LMF1: variants seen among roughly 807,000 people sequenced by gnomAD.
LMF1 encodes the protein transmembrane protein 112.
In LMF1, 68 loss-of-function variants were observed where a neutral mutation model predicts 60.6. The observed-to-expected ratio is 1.12, with a 90% CI of 0.92 to 1.37. The LOEUF (loss-of-function observed/expected upper bound fraction) is 1.37, where lower values mean the gene tolerates loss of function less well. Ranked by LOEUF, LMF1 falls within the 40% of genes most tolerant of loss-of-function variation. The pLI, the probability that LMF1 is intolerant of heterozygous loss-of-function variation, is 0.00. For synonymous variants in LMF1, 418 were observed against 324.7 expected, an observed-to-expected ratio of 1.29 and a Z score of -3.09; for missense variants, 948 against 767.2, an observed-to-expected ratio of 1.24 and a Z score of -2.78.
At chr16:972,020 G>A, upstream of LMF1, among the ~76,000 whole-genome samples, 1 of 152,134 alleles carries the variant, frequency 6.6e-6, no homozygotes, top group East Asian at 1.9e-4. Context: ...CCACTGGGTT[G>A]GTCAAATGAC....
At chr16:941,271 C>A (rs912177934) in intron 2 of LMF1, among the ~76,000 whole-genome samples, 1 of 151,836 alleles carries the variant, frequency 6.6e-6, no homozygotes, top group African/African-American at 2.4e-5. Context: ...ACTCTGTTGC[C>A]CAGGCTGGAG....
chr16:970,799 G>C lies in LMF1; in HGVS notation c.182C>G (p.Ala61Gly). 1.3e-6 allele frequency: 2 copies of C among 1,539,722 alleles called. No individual in the cohort carries two copies. The highest frequency in any genetic ancestry group is 2.0e-5 in the Admixed American group (1 of 50,324). The change falls in exon 1 of 11, where the codon GCC becomes GGC. Residue 61 changes from alanine to glycine, a missense_variant. Physicochemically the swap from Ala to Gly is moderately conservative, Grantham distance 60. Coordinates refer to ENST00000262301, the MANE Select transcript of LMF1 (RefSeq NM_022773.4). Reference sequence around the variant, plus strand: ...CGCCCGGCACTCACAGTACACGAAGGCTAGGGCCTTCAGGAGCACGATCCG... The same window carrying C: ...CGCCCGGCACTCACAGTACACGAAGCCTAGGGCCTTCAGGAGCACGATCCG... ...LTRIVLLKAL[A>G]FVYFVAFLVA...
At chr16:931,042 A>T (rs896928589) in intron 3 of LMF1, among the ~76,000 whole-genome samples, 3 of 151,574 alleles carry the variant, frequency 2.0e-5, no homozygotes, top group Non-Finnish European at 4.4e-5. Context: ...AATCACTTGA[A>T]CCCAGGAGGT....
At chr16:974,190 G>A (rs2073093695), upstream of LMF1, among the ~76,000 whole-genome samples, 3 of 152,192 alleles carry the variant, frequency 2.0e-5, no homozygotes, top group Non-Finnish European at 2.9e-5. Context: ...TTAGATACAG[G>A]TGTGTCTTAT....
At chr16:935,616 G>C (rs2071920429) in intron 2 of LMF1, among the ~76,000 whole-genome samples, 1 of 151,386 alleles carries the variant, frequency 6.6e-6, no homozygotes, top group Non-Finnish European at 1.5e-5. Context: ...TTATGAATTT[G>C]TGTTGGGTCT....
intron 10 of LMF1, among the ~76,000 whole-genome samples, chr16:860,353 T>TG (rs1016017222): frequency 3.3e-5 from 5 of 152,072 alleles, no homozygotes; most frequent in African/African-American, 1.2e-4. Flanking sequence ...AGTTTTTTTT[T>TG]TTTTGAGATG....
intron 3 of LMF1, among the ~76,000 whole-genome samples, chr16:926,629 A>G (rs1370702722): frequency 6.6e-6 from 1 of 152,224 alleles, no homozygotes; most frequent in Non-Finnish European, 1.5e-5. Context: ...GCCACCAAAG[A>G]AGACTACCCT....
intron 4 of LMF1, chr16:899,760 G>C (rs529071995): frequency 6.6e-6 from 1 of 152,230 alleles, no homozygotes; most frequent in Non-Finnish European, 1.5e-5. Context: ...CATGCTCGGC[G>C]TAAAGCGCTT....
intron 4 of LMF1, among the ~76,000 whole-genome samples, chr16:906,435 G>A (rs184209301): frequency 6.6e-6 from 1 of 152,128 alleles, no homozygotes; most frequent in Non-Finnish European, 1.5e-5. Context: ...GCAGAAAAAG[G>A]AGAAGAGGGG....
intron 1 of LMF1, chr16:980,468 G>A (rs985692524): frequency 1.3e-5 from 2 of 152,258 alleles, no homozygotes; most frequent in African/African-American, 4.8e-5. Flanking sequence ...CTGCCGACCG[G>A]GCCGGGGAGA....
chr16:855,907 C>T (rs147248584), intron 10 of LMF1: 26 of 455,868 alleles, frequency 5.7e-5, no homozygotes, highest in Admixed American at 9.4e-5. Flanking sequence ...AGGGTGAGGG[C>T]CTCTGGGTCC....
chr16:863,049 TGTG>T (rs2069510588), intron 10 of LMF1, among the ~76,000 whole-genome samples: 1 of 152,204 alleles, frequency 6.6e-6, no homozygotes, highest in Non-Finnish European at 1.5e-5. Flanking sequence ...CCAGGTGAGT[TGTG>T]GTAGTTTGTG....
intron 2 of LMF1, among the ~76,000 whole-genome samples, chr16:937,586 G>A (rs2071982352): frequency 6.6e-6 from 1 of 152,208 alleles, no homozygotes; most frequent in Admixed American, 6.5e-5. Context: ...GAGGCAGCAA[G>A]ACCCCCGATG....
chr16:977,991 C>CATAT (rs56813960), intron 1 of LMF1, among the ~76,000 whole-genome samples: 1 of 130,808 alleles, frequency 7.6e-6, no homozygotes, highest in Admixed American at 7.6e-5. Flanking sequence ...CACACATACA[C>CATAT]GCACACACAC....
intron 1 of LMF1, 89 bp from the exon 2 acceptor site, chr16:954,755 G>A (rs999810103): frequency 8.0e-7 from 1 of 1,244,988 alleles, no homozygotes; most frequent in Admixed American, 2.4e-5. Flanking sequence ...GGGCGAGGCA[G>A]GCGGGAAGGG....
chr16:916,515 CAG>C (rs2151761421), intron 3 of LMF1, among the ~76,000 whole-genome samples: 1 of 152,336 alleles, frequency 6.6e-6, no homozygotes, highest in Non-Finnish European at 1.5e-5. Flanking sequence ...TATCACGGAA[CAG>C]GGGCTGTGGG....
At chr16:894,324 A>C (rs1285371083) in intron 4 of LMF1, among the ~76,000 whole-genome samples, 10 of 28,472 alleles carry the variant, frequency 3.5e-4, no homozygotes, top group South Asian at 1.2e-3. Flanking sequence ...TCGTCCACCC[A>C]CCCGTCCCCC....
At position 854,288 on chromosome 16, in the gene LMF1, C is replaced by T; in HGVS notation, c.*244G>A. The T allele has an allele frequency of 1.5e-6, 1 of 678,916 alleles. No individual in the cohort carries two copies. The highest frequency in any genetic ancestry group is 2.7e-6 in the Non-Finnish European group (1 of 371,388). 42.1% of individuals were successfully genotyped at this position (678,916 alleles called of 1,614,324 possible). On this transcript the variant is annotated 3_prime_UTR_variant, in exon 11 of 11. Coordinates refer to ENST00000262301, the MANE Select transcript of LMF1 (RefSeq NM_022773.4). ...GAGGAGGGTGGGATGGATGGGAGAT[C>T]AGAGCCCCTGGCGCCTGGGACAAGG...
chr16:937,218 A>T (rs1393126400), intron 2 of LMF1, among the ~76,000 whole-genome samples: 1 of 152,238 alleles, frequency 6.6e-6, no homozygotes, highest in Non-Finnish European at 1.5e-5. Context: ...AATGACACGA[A>T]AAACTAAAAC....
Sources: gnomAD v4.1 joint callset for allele counts (sites outside exome capture counted in the v4.1 genomes callset) on GRCh38, gnomAD v4.1.1 for gene constraint, MANE v1.5 for transcripts, NCBI Gene and HGNC (gene_info 2026-07-23, HGNC 2026-07-21) for gene names.